Variants in APCDD1 observed in about 807,000 individuals in gnomAD.
APCDD1 encodes APC down-regulated 1.
APCDD1 carries 15 observed loss-of-function variants against 38.1 expected under a neutral mutation model. The ratio of observed to expected loss-of-function variants is 0.39; its 90% confidence interval spans 0.26 to 0.61. APCDD1 has a LOEUF of 0.61. APCDD1 is among the 20% of genes least tolerant of loss of function. APCDD1 has a pLI of 0.49. For missense variants in APCDD1, 647 were observed against 696.2 expected, an observed-to-expected ratio of 0.93 and a Z score of 0.79; for synonymous variants, 261 against 279.7, an observed-to-expected ratio of 0.93 and a Z score of 0.67.
intron 4 of APCDD1, among the ~76,000 whole-genome samples, chr18:10,487,013 G>A (rs1391104929): frequency 6.6e-6 from 1 of 152,178 alleles, no homozygotes; most frequent in Non-Finnish European, 1.5e-5. Flanking sequence ...ACCTTCAGAA[G>A]CAATTCTCCA....
intron 1 of APCDD1, among the ~76,000 whole-genome samples, chr18:10,456,149 A>G (rs929964737): frequency 1.3e-5 from 2 of 152,214 alleles, no homozygotes; most frequent in Admixed American, 1.3e-4. Context: ...GTCCTGCCCC[A>G]GGTGGATGGC....
intron 1 of APCDD1, 149 bp downstream of exon 1, chr18:10,455,188 T>C: frequency 1.5e-6 from 2 of 1,358,302 alleles, no homozygotes; most frequent in East Asian, 2.9e-5. Flanking sequence ...GCGCCTGCCG[T>C]CTCAGCCCTG....
chr18:10,471,908 T>G lies in APCDD1; in HGVS notation c.621T>G (p.His207Gln), dbSNP rs1268726642. Residue 207 changes from histidine (H) to glutamine (Q), a missense_variant, in exon 3 of 5, where the codon CAT becomes CAG. Coordinates refer to ENST00000355285, the MANE Select transcript of APCDD1 (RefSeq NM_153000.5). This position sits in a 1 kb window ranked among gnomAD's most constrained non-coding sequence, Gnocchi z 5.5. Reference sequence around the variant, plus strand: ...CCAAGGCCGTGAACTTTGCCATGCATGAACTTCAGCTCATCCGGGTGGAGA... The same window carrying G: ...CCAAGGCCGTGAACTTTGCCATGCAGGAACTTCAGCTCATCCGGGTGGAGA... ...ECTKAVNFAM[H>Q]ELQLIRVEKQ... The G allele has an allele frequency of 1.2e-6, 2 of 1,614,182 alleles. No individual in the cohort carries two copies. Among genetic ancestry groups the G allele is most frequent in the South Asian group, 2.2e-5 (2 of 91,088 alleles).
intron 3 of APCDD1, among the ~76,000 whole-genome samples, chr18:10,481,732 G>C (rs1004310977): frequency 1.5e-4 from 23 of 148,686 alleles, no homozygotes; most frequent in African/African-American, 5.7e-4. Context: ...CAATACCCAA[G>C]AGCCAGGTTT....
At position 10,475,187 on chromosome 18, in the gene APCDD1, A is replaced by G. The variant is rs370251784; in HGVS notation, c.774+3126A>G. Among the ~76,000 whole-genome samples the G allele has an allele frequency of 6.6e-6, 1 of 152,210 alleles. No homozygotes were observed. Among genetic ancestry groups the G allele is most frequent in the African/African-American group, 2.4e-5 (1 of 41,448 alleles). Reference sequence around the variant, plus strand: ...TGGCTCAGAGAGGAATGAAAATGACAATGTCGACTGACCAGGGAACATCAA... The same window carrying G: ...TGGCTCAGAGAGGAATGAAAATGACGATGTCGACTGACCAGGGAACATCAA... On this transcript the variant is annotated intron_variant, in intron 3 of 4. Coordinates refer to ENST00000355285, the MANE Select transcript of APCDD1 (RefSeq NM_153000.5). The surrounding 1 kb of genome is among the most constrained non-coding windows in gnomAD (Gnocchi z 4.0).
chr18:10,476,870 C>A lies in APCDD1; in HGVS notation c.774+4809C>A, dbSNP rs1348316952. 2 of 152,236 alleles carry A rather than the reference C, an allele frequency of 1.3e-5. No homozygotes were observed. The highest frequency in any genetic ancestry group is 2.4e-5 in the African/African-American group (1 of 41,468). 9.4% of individuals were successfully genotyped at this position (152,236 alleles called of 1,614,324 possible). On this transcript the variant is annotated intron_variant, in intron 3 of 4. Coordinates refer to ENST00000355285, the MANE Select transcript of APCDD1 (RefSeq NM_153000.5). This position sits in a 1 kb window ranked among gnomAD's most constrained non-coding sequence, Gnocchi z 5.8. The stretch of plus-strand genomic sequence containing the variant: ...CTTTCTCTCTCAAATTCTTTAGGAG[C>A]CGCTAGGCTGGAGCCAGCATATGTT...
intron 4 of APCDD1, among the ~76,000 whole-genome samples, chr18:10,486,070 G>A (rs1302399336): frequency 6.6e-6 from 1 of 152,212 alleles, no homozygotes; most frequent in African/African-American, 2.4e-5. Context: ...TGAAATCTCT[G>A]GCCAGGTGCG....
chr18:10,473,500 C>A (rs2030914875), intron 3 of APCDD1, among the ~76,000 whole-genome samples: 1 of 152,198 alleles, frequency 6.6e-6, no homozygotes, highest in African/African-American at 2.4e-5. Context: ...TGAATTAGGG[C>A]AGAGAGGGAG....
intron 1 of APCDD1, among the ~76,000 whole-genome samples, chr18:10,460,312 G>A (rs931660605): frequency 1.3e-5 from 2 of 152,158 alleles, no homozygotes; most frequent in East Asian, 1.9e-4. Flanking sequence ...GATCACCTGC[G>A]GTCAGGAGTT....
chr18:10,462,899 C>T (rs1250219127), intron 1 of APCDD1, among the ~76,000 whole-genome samples: 2 of 146,682 alleles, frequency 1.4e-5, no homozygotes, highest in African/African-American at 2.7e-5. Flanking sequence ...TGCTTTCAAT[C>T]TGTCCCCCAT....
At chr18:10,455,061 G>C (rs2030338332) in intron 1 of APCDD1, 22 bp downstream of exon 1, 1 of 1,557,374 alleles carries the variant, frequency 6.4e-7, no homozygotes, top group Non-Finnish European at 8.7e-7. Flanking sequence ...AGGGCCACTC[G>C]AGCGCTCCCA....
chr18:10,462,847 T>C (rs1686770619), intron 1 of APCDD1, among the ~76,000 whole-genome samples: 1 of 152,170 alleles, frequency 6.6e-6, no homozygotes, highest in African/African-American at 2.4e-5. Context: ...CAATAAATCA[T>C]ACAAGACTGA....
chr18:10,464,486 G>A (rs559615096), intron 1 of APCDD1, among the ~76,000 whole-genome samples: 3 of 152,278 alleles, frequency 2.0e-5, no homozygotes, highest in East Asian at 1.9e-4. Context: ...GCAGTGGTGC[G>A]ATCATAGCTC....
rs2030849866 is a variant in APCDD1, at chr18:10,471,526, C to T, written c.243-4C>T. 1.9e-6 allele frequency: 3 copies of T among 1,614,156 alleles called. No homozygotes were observed. The highest frequency in any genetic ancestry group is 4.5e-5 in the East Asian group (2 of 44,884). On this transcript the variant is annotated splice_polypyrimidine_tract_variant and splice_region_variant and intron_variant, in intron 2 of 4. Coordinates refer to ENST00000355285, the MANE Select transcript of APCDD1 (RefSeq NM_153000.5). This position sits in a 1 kb window ranked among gnomAD's most constrained non-coding sequence, Gnocchi z 5.5. ...AGGTCTCTTCTTCCCCTTTTCTTGC[C>T]CAGCTGTGAAGTAAGGTCAGGCCCA...
intron 4 of APCDD1, among the ~76,000 whole-genome samples, chr18:10,486,477 G>A (rs1425476890): frequency 6.6e-6 from 1 of 152,212 alleles, no homozygotes; most frequent in East Asian, 1.9e-4. Flanking sequence ...TTTCCTGAGT[G>A]AGCAATAAAG....
At chr18:10,462,403 CTTCTT>C (rs2030569233) in intron 1 of APCDD1, among the ~76,000 whole-genome samples, 1 of 101,264 alleles carries the variant, frequency 9.9e-6, no homozygotes, top group Non-Finnish European at 2.1e-5. Flanking sequence ...TCCTTCCTGT[CTTCTT>C]TCCTTCCTTC....
chr18:10,479,533 G>A (rs914538316), intron 3 of APCDD1, among the ~76,000 whole-genome samples: 6 of 152,292 alleles, frequency 3.9e-5, no homozygotes, highest in Non-Finnish European at 5.9e-5. Flanking sequence ...GTCATCAGCC[G>A]GAGAAGACCT....
chr18:10,473,381 G>A (rs2030912015), intron 3 of APCDD1, among the ~76,000 whole-genome samples: 1 of 152,220 alleles, frequency 6.6e-6, no homozygotes, highest in Non-Finnish European at 1.5e-5. Flanking sequence ...CCCAGGCCCA[G>A]CATTCCTGCC....
chr18:10,461,965 G>A (rs962696342), intron 1 of APCDD1, among the ~76,000 whole-genome samples: 4 of 152,286 alleles, frequency 2.6e-5, no homozygotes, highest in Admixed American at 6.5e-5. Flanking sequence ...GTGTTGTTAC[G>A]TGTTCATTCC....
Sources: allele counts gnomAD v4.1 joint callset (sites outside exome capture counted in the v4.1 genomes callset), GRCh38; gene constraint gnomAD v4.1.1; non-coding constraint Gnocchi (gnomAD v3.1); transcripts MANE v1.5; gene names NCBI Gene and HGNC (gene_info 2026-07-23, HGNC 2026-07-21).